DMKN: variants seen among roughly 807,000 people sequenced by gnomAD.
DMKN encodes dermokine, also known as epidermis-specific secreted protein SK30/SK89.
A neutral mutation model predicts 67.6 loss-of-function variants in DMKN; 58 were observed. The observed-to-expected ratio is 0.86, with a 90% confidence interval of 0.69 to 1.07. The LOEUF is 1.07. Among genes scored for constraint, DMKN ranks in the 50% least tolerant of loss-of-function variants. The pLI, the probability that DMKN is intolerant of heterozygous loss-of-function variation, is 0.00. For missense variants in DMKN, 596 were observed against 601.5 expected (o/e 0.99, Z 0.10); for synonymous variants, 240 against 232.3 (o/e 1.03, Z -0.30).
chr19:35,507,554 C>T (rs750441490), intron 7 of DMKN: 57 of 1,534,064 alleles, frequency 3.7e-5, no homozygotes, highest in Middle Eastern at 1.7e-4. Context: ...GGGAGGCAGG[C>T]GGGCAGGGGG....
chr19:35,505,073 A>C (rs1361827095), intron 9 of DMKN, among the ~76,000 whole-genome samples: 1 of 151,408 alleles, frequency 6.6e-6, no homozygotes, highest in Non-Finnish European at 1.5e-5. Flanking sequence ...TCCAATCACG[A>C]ATCGCAGCTT....
intron 11 of DMKN, chr19:35,501,766 G>T (rs1328981977): frequency 6.7e-7 from 1 of 1,493,798 alleles, no homozygotes; most frequent in Non-Finnish European, 9.0e-7. Flanking sequence ...CCGCAGCCTA[G>T]GCCCCTTCTT....
intron 3 of DMKN, 117 bp downstream of exon 3, chr19:35,512,304 C>G: frequency 1.4e-6 from 2 of 1,399,114 alleles, no homozygotes; most frequent in Non-Finnish European, 1.9e-6. Context: ...AGCCCCATCT[C>G]TTCCTCTCAC....
chr19:35,510,737 C>G (rs2070606996), intron 5 of DMKN, among the ~76,000 whole-genome samples: 1 of 152,166 alleles, frequency 6.6e-6, no homozygotes, highest in Non-Finnish European at 1.5e-5. Flanking sequence ...CTGTCTGACA[C>G]TTTTCCCGAC....
At chr19:35,499,286 T>C (rs2067962371) in intron 13 of DMKN, 1 of 271,504 alleles carries the variant, frequency 3.7e-6, no homozygotes, top group African/African-American at 2.3e-5. Context: ...CACCAGCCTG[T>C]AGTTTCTCGT....
At chr19:35,506,603 T>C (rs912623154) in intron 7 of DMKN, 3 of 463,654 alleles carry the variant, frequency 6.5e-6, no homozygotes, top group Non-Finnish European at 8.6e-6. Context: ...GCTGCGTGAG[T>C]CAGGTTTCAC....
At chr19:35,500,311 T>C in intron 12 of DMKN, 5 of 1,525,302 alleles carry the variant, frequency 3.3e-6, no homozygotes, top group Non-Finnish European at 4.4e-6. Context: ...ACTTGGGAGG[T>C]GAGGGTAGGA....
At position 35,512,450 on chromosome 19, in the gene DMKN, A is replaced by C. The variant is rs2146244683; in HGVS notation, c.655T>G (p.Ser219Ala). Residue 219 changes from serine (S) to alanine (A), a missense_variant, in exon 3 of 16, where the codon TCA becomes GCA. By Grantham distance (99) the Ser-to-Ala change is moderately conservative. Transcript: ENST00000339686. The part of the protein sequence containing the change: ...QGAVAQPGYG[S>A]VRASNQNEGC... Reference sequence around the variant, plus strand: ...TCATTCTGGTTGCTGGCTCTCACTGAACCATAGCCAGGCTGGGCCACAGCT... The same window carrying C: ...TCATTCTGGTTGCTGGCTCTCACTGCACCATAGCCAGGCTGGGCCACAGCT... 1 of 1,614,128 alleles carries C rather than the reference A, an allele frequency of 6.2e-7. No homozygotes were observed. Among genetic ancestry groups the C allele is most frequent in the Non-Finnish European group, 8.5e-7 (1 of 1,180,030 alleles).
intron 11 of DMKN, among the ~76,000 whole-genome samples, 172 bp from the exon 12 acceptor site, chr19:35,500,752 C>G (rs919572807): frequency 1.3e-5 from 2 of 152,238 alleles, no homozygotes; most frequent in African/African-American, 2.4e-5. Context: ...GATATCCACA[C>G]TCAGCATTGG....
Position 35,513,094 on chromosome 19 carries a change from C to T in DMKN, c.382G>A (p.Val128Ile). 2 of 1,614,146 alleles carry T rather than the reference C, an allele frequency of 1.2e-6. No homozygotes were observed. Among genetic ancestry groups the T allele is most frequent in the Non-Finnish European group, 1.7e-6 (2 of 1,180,042 alleles). ...EDVIRHGADA[V>I]RGSWQGVPGH... is the part of the protein sequence containing the mutation. Reference sequence around the variant, plus strand: ...GGCACCCCCTGCCAGGAGCCGCGGACAGCATCTGCTCCGTGTCGAATGACA... The same window carrying T: ...GGCACCCCCTGCCAGGAGCCGCGGATAGCATCTGCTCCGTGTCGAATGACA... The change falls in exon 1 of 16, where the codon GTC becomes ATC. Residue 128 changes from valine to isoleucine, a missense_variant. Val to Ile is a conservative substitution (Grantham distance 29). Coordinates refer to ENST00000339686, the MANE Select transcript of DMKN (RefSeq NM_033317.5).
chr19:35,510,182 A>G lies in DMKN; in HGVS notation c.987+2T>C. 1 of 1,604,746 alleles carries G rather than the reference A, an allele frequency of 6.2e-7. No homozygotes were observed. The highest frequency in any genetic ancestry group is 8.5e-7 in the Non-Finnish European group (1 of 1,175,756). On this transcript the variant is annotated splice_donor_variant, in intron 6 of 15. Transcript: ENST00000339686. LOFTEE classifies it high-confidence loss of function. ...GGTGGGAGATTCACGCCAGCCACTC[A>G]CCCCGGGTTTATGTCCATTTCCTCC...
rs776080354 is a variant in DMKN, at chr19:35,512,464, T to A, written c.641A>T (p.Gln214Leu). Residue 214 changes from glutamine to leucine, a missense_variant, in exon 3 of 16, where the codon CAG becomes CTG. Gln to Leu is a moderately radical substitution (Grantham distance 113, BLOSUM62 -2). Transcript: ENST00000339686. The part of the protein sequence containing the change: ...FGTNTQGAVA[Q>L]PGYGSVRASN... ...GGCTCTCACTGAACCATAGCCAGGC[T>A]GGGCCACAGCTCCCTGCAGAGAGGG... 30 of 1,614,206 alleles carry A rather than the reference T, an allele frequency of 1.9e-5. No individual in the cohort carries two copies. In the East Asian group the frequency reaches 6.7e-4, roughly 36 times the overall value.
In DMKN at chr19:35,510,219, C is replaced by T. The variant is rs145465906; in HGVS notation, c.952G>A (p.Gly318Ser). The change falls in exon 6 of 16, where the codon GGT (glycine) becomes AGT (serine). Residue 318 changes from glycine to serine, a missense_variant. By Grantham distance (56) the Gly-to-Ser change is moderately conservative. Coordinates refer to ENST00000339686, the MANE Select transcript of DMKN (RefSeq NM_033317.5). The stretch of plus-strand genomic sequence containing the variant: ...TGTCCATTTCCTCCGCCGCTCCCAC[C>T]GTGGTTGCCGGAGGAGGAGCCGGTG... ...SSTGSSSGNH[G>S]GSGGGNGHKP... is the part of the protein sequence containing the mutation. The T allele has an allele frequency of 1.1e-5, 17 of 1,608,808 alleles. No homozygotes were observed. Among genetic ancestry groups the T allele is most frequent in the Admixed American group, 3.4e-5 (2 of 59,436 alleles).
chr19:35,499,623 G>T (rs2068019030), intron 13 of DMKN, among the ~76,000 whole-genome samples: 1 of 152,200 alleles, frequency 6.6e-6, no homozygotes, highest in Non-Finnish European at 1.5e-5. Flanking sequence ...GTGAGGAAGA[G>T]CTGCTTGCGT....
chr19:35,503,554 C>T, intron 9 of DMKN: 2 of 1,454,830 alleles, frequency 1.4e-6, no homozygotes, highest in Non-Finnish European at 1.8e-6. Flanking sequence ...CAGCTCACCG[C>T]AACCTCCGCT....
At position 35,498,875 on chromosome 19, in the gene DMKN, G is replaced by C. The variant is rs369467672; in HGVS notation, c.1382C>G (p.Ser461Trp). Residue 461 changes from serine (S) to tryptophan (W), a missense_variant and splice_region_variant, in exon 14 of 16, where the codon TCG becomes TGG. Coordinates refer to ENST00000339686, the MANE Select transcript of DMKN (RefSeq NM_033317.5). ...TGAAGATCAGGCCCCCATACTCACC[G>C]AGGAAGAAGGTGAGACTCCCCCCTG... ...PAKGGVSPSSSASRVQPGLLQ... is the reference protein window; with the variant it reads ...PAKGGVSPSSWASRVQPGLLQ... 7 of 1,613,988 alleles carry C rather than the reference G, an allele frequency of 4.3e-6. No homozygotes were observed. The highest frequency in any genetic ancestry group is 2.5e-6 in the Non-Finnish European group (3 of 1,180,024).
In DMKN at chr19:35,511,467, C is replaced by T. The variant is rs1345557877; in HGVS notation, c.862G>A (p.Gly288Ser). ...CTGCCACCACTGTTGCCACTGCTGC[C>T]ACCACTGCTGCCGCCACTGCTGCCG... ...SGGSSGGSSG[G>S]SSGNSGGSRG... The change falls in exon 5 of 16, where the codon GGC becomes AGC. Residue 288 changes from glycine (G) to serine (S), a missense_variant. Coordinates refer to ENST00000339686, the MANE Select transcript of DMKN (RefSeq NM_033317.5). 5.6e-6 allele frequency: 6 copies of T among 1,073,552 alleles called. No homozygotes were observed. Among genetic ancestry groups the T allele is most frequent in the East Asian group, 6.5e-5 (1 of 15,462 alleles). The allele number at this position is 1,073,552 out of a possible 1,614,324, so 66.5% of individuals were successfully genotyped here. A position where few individuals can be genotyped will look rare whatever the true frequency, so the allele number is the denominator to read the frequency against.
intron 13 of DMKN, 136 bp from the exon 14 acceptor site, chr19:35,499,033 G>A: frequency 1.6e-6 from 2 of 1,267,392 alleles, no homozygotes; most frequent in Non-Finnish European, 2.2e-6. Context: ...CAGTCTGACT[G>A]TGGACATTCA....
At chr19:35,505,807 A>G (rs1241209590) in intron 8 of DMKN, 42 bp from the exon 9 acceptor site, 1 of 1,614,124 alleles carries the variant, frequency 6.2e-7, no homozygotes, top group Admixed American at 1.7e-5. Flanking sequence ...ATTGAGTCAT[A>G]AGGTAATTGG....
Sources: allele counts gnomAD v4.1 joint callset (sites outside exome capture counted in the v4.1 genomes callset), GRCh38; gene constraint gnomAD v4.1.1; transcripts MANE v1.5; gene names NCBI Gene and HGNC (gene_info 2026-07-23, HGNC 2026-07-21).